KLHL14: variants seen among roughly 807,000 people sequenced by gnomAD.
The protein encoded by KLHL14 is kelch-like protein 14.
KLHL14 carries 22 observed loss-of-function variants against 64.3 expected under a neutral mutation model. That is an observed-to-expected ratio of 0.34 (90% CI 0.24 to 0.49). The LOEUF (loss-of-function observed/expected upper bound fraction) is 0.49, where lower values mean the gene tolerates loss of function less well. KLHL14 is among the 20% of genes least tolerant of loss of function. The pLI is 0.99. For missense variants in KLHL14, 661 were observed against 789.0 expected (o/e 0.84, Z 1.94); for synonymous variants, 322 against 333.4 (o/e 0.97, Z 0.37).
chr18:32,742,935 C>T (rs535884112), intron 2 of KLHL14: 6 of 152,388 alleles, frequency 3.9e-5, no homozygotes, highest in East Asian at 3.9e-4. Flanking sequence ...ATTCCCAGTC[C>T]GCCTGGCAGT....
Position 32,683,281 on chromosome 18 carries a change from TCAG to T in KLHL14, c.1239-2685_1239-2683del, listed in dbSNP as rs1242010477. Among the ~76,000 whole-genome samples, 1 of 152,144 alleles carries T rather than the reference TCAG, an allele frequency of 6.6e-6. No homozygotes were observed. The highest frequency in any genetic ancestry group is 1.5e-5 in the Non-Finnish European group (1 of 68,018). On this transcript the variant is annotated intron_variant, in intron 5 of 8. Coordinates refer to ENST00000359358, the MANE Select transcript of KLHL14 (RefSeq NM_020805.3). This position sits in a 1 kb window ranked among gnomAD's most constrained non-coding sequence, Gnocchi z 4.2. Reference sequence around the variant, plus strand: ...CTGTTAGGATCTAAATGGGAAAAAATCAGCAGATTTCACTTCCTGATGACAAGT... The same window carrying T: ...CTGTTAGGATCTAAATGGGAAAAAATCAGATTTCACTTCCTGATGACAAGT...
chr18:32,771,514 C>T (rs957590718), intron 1 of KLHL14, among the ~76,000 whole-genome samples: 5 of 152,188 alleles, frequency 3.3e-5, no homozygotes, highest in African/African-American at 1.2e-4. Flanking sequence ...ACCACCGCCA[C>T]CCCCACCCGG....
At chr18:32,723,236 A>G (rs1183428274) in intron 3 of KLHL14, among the ~76,000 whole-genome samples, 2 of 152,230 alleles carry the variant, frequency 1.3e-5, no homozygotes, top group Admixed American at 1.3e-4. Context: ...GTATTTTGAC[A>G]TTTAAAATAG....
chr18:32,693,963 G>T (rs183933746), intron 4 of KLHL14, among the ~76,000 whole-genome samples: 16 of 150,938 alleles, frequency 1.1e-4, no homozygotes, highest in African/African-American at 3.9e-4. Context: ...GTAGTTACAG[G>T]TGTTTTTTTG....
At chr18:32,746,899 G>A (rs1227227757) in intron 2 of KLHL14, among the ~76,000 whole-genome samples, 1 of 152,198 alleles carries the variant, frequency 6.6e-6, no homozygotes, top group Non-Finnish European at 1.5e-5. Flanking sequence ...TCGACTCTCA[G>A]AGATTATGAT....
chr18:32,718,774 T>C lies in KLHL14; in HGVS notation c.1069+23154A>G, dbSNP rs140675034. Among the ~76,000 whole-genome samples the C allele has an allele frequency of 2.0e-3, 302 of 152,350 alleles. 1 individual carries two copies. The highest frequency in any genetic ancestry group is 2.1e-3 in the Non-Finnish European group (143 of 68,038). The stretch of plus-strand genomic sequence containing the variant: ...TTTAAAAAATAGTTTCAACATTTTA[T>C]AGCTATTATGATAAACTCTACCTTC... On this transcript the variant is annotated intron_variant, in intron 3 of 8. Coordinates refer to ENST00000359358, the MANE Select transcript of KLHL14 (RefSeq NM_020805.3).
intron 3 of KLHL14, among the ~76,000 whole-genome samples, chr18:32,700,452 A>G (rs2049960032): frequency 6.6e-6 from 1 of 152,170 alleles, no homozygotes; most frequent in Non-Finnish European, 1.5e-5. Context: ...TCAGTTCTCT[A>G]CCACAGAGGC....
At chr18:32,742,462 GA>G (rs1161642354) in intron 2 of KLHL14, among the ~76,000 whole-genome samples, 2 of 152,136 alleles carry the variant, frequency 1.3e-5, no homozygotes, top group Non-Finnish European at 2.9e-5. Flanking sequence ...AAAGAACCTT[GA>G]AAAAATTAAG....
intron 3 of KLHL14, among the ~76,000 whole-genome samples, chr18:32,699,671 T>C (rs1247033282): frequency 6.6e-6 from 1 of 152,190 alleles, no homozygotes; most frequent in Non-Finnish European, 1.5e-5. Flanking sequence ...AAGTAATTAC[T>C]GAGTTCCTGA....
rs767980953 is a variant in KLHL14, at chr18:32,695,562, AG to A, written c.1070-11del. 7 of 1,547,106 alleles carry A rather than the reference AG, an allele frequency of 4.5e-6. No individual in the cohort carries two copies. The highest frequency in any genetic ancestry group is 3.6e-5 in the Admixed American group (2 of 55,024). ...CTGTTGTATGGCATAACTGAAATTA[AG>A]AAAAAAAAAAAAGACATATGAAATT... is the stretch of plus-strand genomic sequence containing the variant. On this transcript the variant is annotated splice_polypyrimidine_tract_variant and intron_variant, in intron 3 of 8. Transcript: ENST00000359358.
chr18:32,729,170 T>C (rs1013669081), intron 3 of KLHL14, among the ~76,000 whole-genome samples: 1 of 152,072 alleles, frequency 6.6e-6, no homozygotes, highest in African/African-American at 2.4e-5. Context: ...GTTCATTGGG[T>C]GTCCTTTGAC....
At chr18:32,759,182 A>G (rs1052954887) in intron 2 of KLHL14, among the ~76,000 whole-genome samples, 5 of 152,244 alleles carry the variant, frequency 3.3e-5, no homozygotes, top group African/African-American at 1.2e-4. Context: ...GAATAGATCA[A>G]AAGGATGGAA....
Position 32,680,651 on chromosome 18 carries a change from C to T in KLHL14, c.1239-52G>A. 1 of 1,520,358 alleles carries T rather than the reference C, an allele frequency of 6.6e-7. No individual in the cohort carries two copies. The highest frequency in any genetic ancestry group is 1.4e-5 in the African/African-American group (1 of 72,548). The allele number at this position is 1,520,358 out of a possible 1,614,324, so 94.2% of individuals were successfully genotyped here. On this transcript the variant is annotated intron_variant, in intron 5 of 8. Transcript: ENST00000359358. This position sits in a 1 kb window ranked among gnomAD's most constrained non-coding sequence, Gnocchi z 4.8. ...TCACAAGAGGAGCTGTGAAATGTTA[C>T]CTTTCGAAATAAGATAAGCACCACA...
At chr18:32,746,162 C>A (rs948979546) in intron 2 of KLHL14, among the ~76,000 whole-genome samples, 3 of 152,118 alleles carry the variant, frequency 2.0e-5, no homozygotes, top group Non-Finnish European at 2.9e-5. Context: ...CCATTTTACC[C>A]AACCCAGACC....
In KLHL14 at chr18:32,683,270, A is replaced by C. The variant is rs2049852231; in HGVS notation, c.1239-2671T>G. Among the ~76,000 whole-genome samples, 1 of 152,168 alleles carries C rather than the reference A, an allele frequency of 6.6e-6. No homozygotes were observed. Among genetic ancestry groups the C allele is most frequent in the South Asian group, 2.1e-4 (1 of 4,832 alleles). On this transcript the variant is annotated intron_variant, in intron 5 of 8. Coordinates refer to ENST00000359358, the MANE Select transcript of KLHL14 (RefSeq NM_020805.3). This position sits in a 1 kb window ranked among gnomAD's most constrained non-coding sequence, Gnocchi z 4.2. Reference sequence around the variant, plus strand: ...ACACAGTGTCACTGTTAGGATCTAAATGGGAAAAAATCAGCAGATTTCACT... The same window carrying C: ...ACACAGTGTCACTGTTAGGATCTAACTGGGAAAAAATCAGCAGATTTCACT...
chr18:32,694,477 C>T (rs2049927539), intron 4 of KLHL14, among the ~76,000 whole-genome samples: 2 of 152,154 alleles, frequency 1.3e-5, no homozygotes, highest in Non-Finnish European at 2.9e-5. Flanking sequence ...ATCTTCTTTC[C>T]AACACTAGAA....
At chr18:32,712,702 T>C (rs2144501677) in intron 3 of KLHL14, among the ~76,000 whole-genome samples, 1 of 152,342 alleles carries the variant, frequency 6.6e-6, no homozygotes, top group African/African-American at 2.4e-5. Context: ...AAAGTTGTCT[T>C]TGCTCAAGAT....
intron 4 of KLHL14, among the ~76,000 whole-genome samples, chr18:32,687,575 A>G (rs2049885549): frequency 6.6e-6 from 1 of 152,212 alleles, no homozygotes; most frequent in Non-Finnish European, 1.5e-5. Flanking sequence ...TGTTTTAAAC[A>G]CAGTAAGTTA....
chr18:32,736,078 A>G (rs546503100), intron 3 of KLHL14, among the ~76,000 whole-genome samples: 1 of 152,320 alleles, frequency 6.6e-6, no homozygotes, highest in East Asian at 1.9e-4. Flanking sequence ...TATCAGAATT[A>G]TTTGTACACA....
Sources: gnomAD v4.1 joint callset for allele counts (sites outside exome capture counted in the v4.1 genomes callset) on GRCh38, gnomAD v4.1.1 for gene constraint, Gnocchi (gnomAD v3.1) non-coding constraint, MANE v1.5 for transcripts, NCBI Gene and HGNC (gene_info 2026-07-23, HGNC 2026-07-21) for gene names.